CUBN: variants seen among roughly 807,000 people sequenced by gnomAD.
CUBN encodes 460 kDa receptor.
In CUBN, 282 loss-of-function variants were observed where a neutral mutation model predicts 405.3. That is an observed-to-expected ratio of 0.70 (90% CI 0.63 to 0.77). The LOEUF (loss-of-function observed/expected upper bound fraction) is 0.77, where lower values mean the gene tolerates loss of function less well. Among genes scored for constraint, CUBN ranks in the 30% least tolerant of loss-of-function variants. CUBN has a pLI of 0.00. For synonymous variants in CUBN, 1,684 were observed against 1,617.0 expected (o/e 1.04, Z -0.99); for missense variants, 4,514 against 4,475.2 (o/e 1.01, Z -0.25).
intron 28 of CUBN, among the ~76,000 whole-genome samples, chr10:17,003,237 T>G (rs1588570578): frequency 6.6e-6 from 1 of 152,178 alleles, no homozygotes. Context: ...GATGGATGGG[T>G]GCTTTACCAT....
In CUBN at chr10:17,047,114, T is replaced by C. The variant is rs765939530; in HGVS notation, c.3329+300A>G. 3.5e-4 allele frequency among the ~76,000 whole-genome samples: 53 copies of C among 152,312 alleles called. No individual in the cohort carries two copies. In the Middle Eastern group the frequency reaches 0.01, roughly 29 times the overall value. On this transcript the variant is annotated intron_variant, in intron 23 of 66. Coordinates refer to ENST00000377833, the MANE Select transcript of CUBN (RefSeq NM_001081.4). ...CATAATTAAAGTAGGTATTCAACAG[T>C]AGCAAGTTACATCATTTCAGAGTAG...
intron 19 of CUBN, 129 bp from the exon 20 acceptor site, chr10:17,068,899 T>C: frequency 2.6e-6 from 2 of 776,686 alleles, no homozygotes; most frequent in South Asian, 3.3e-5. Context: ...TTTTAGCACA[T>C]TTTAGTCACC....
intron 13 of CUBN, among the ~76,000 whole-genome samples, chr10:17,101,423 T>C (rs1406579188): frequency 6.6e-6 from 1 of 152,110 alleles, no homozygotes; most frequent in South Asian, 2.1e-4. Context: ...TCACATAGCA[T>C]ACCCACTGGG....
At chr10:16,943,203 A>T (rs1457032239) in intron 36 of CUBN, among the ~76,000 whole-genome samples, 1 of 152,174 alleles carries the variant, frequency 6.6e-6, no homozygotes, top group African/African-American at 2.4e-5. Context: ...AGATACTAGC[A>T]TTGGTAGGTC....
intron 12 of CUBN, among the ~76,000 whole-genome samples, chr10:17,103,493 T>G (rs1356460397): frequency 6.6e-6 from 1 of 152,166 alleles, no homozygotes; most frequent in Non-Finnish European, 1.5e-5. Flanking sequence ...TGATTCCCAT[T>G]CTCTGTGTCC....
At chr10:16,970,508 G>A (rs1022868018) in intron 31 of CUBN, among the ~76,000 whole-genome samples, 1 of 151,356 alleles carries the variant, frequency 6.6e-6, no homozygotes, top group African/African-American at 2.4e-5. Context: ...CCTGGGAGGT[G>A]GAGGTCGCAG....
intron 28 of CUBN, among the ~76,000 whole-genome samples, chr10:16,999,066 A>C (rs185869785): frequency 6.6e-6 from 1 of 152,372 alleles, no homozygotes; most frequent in Non-Finnish European, 1.5e-5. Flanking sequence ...TGAAAGAATA[A>C]GTTATTGCAT....
At chr10:17,056,189 T>C (rs544099962) in intron 22 of CUBN, among the ~76,000 whole-genome samples, 1 of 152,216 alleles carries the variant, frequency 6.6e-6, no homozygotes, top group South Asian at 2.1e-4. Context: ...AAGGAGAATC[T>C]TTTCAATAAA....
chr10:17,025,903 G>C (rs1323885997), intron 27 of CUBN, among the ~76,000 whole-genome samples: 2 of 152,150 alleles, frequency 1.3e-5, no homozygotes, highest in African/African-American at 2.4e-5. Flanking sequence ...ATTGCGGGAG[G>C]ACAGATCATG....
At chr10:17,127,260 CTT>C (rs374535711) in intron 3 of CUBN, among the ~76,000 whole-genome samples, 5 of 63,080 alleles carry the variant, frequency 7.9e-5, no homozygotes, top group Admixed American at 1.7e-4. Flanking sequence ...CTCTCTCTCT[CTT>C]TCTTTTTTTT....
At chr10:17,069,651 C>T (rs1835692740) in intron 19 of CUBN, among the ~76,000 whole-genome samples, 1 of 152,168 alleles carries the variant, frequency 6.6e-6, no homozygotes, top group African/African-American at 2.4e-5. Flanking sequence ...TCAAGTGATC[C>T]TCCTACCACA....
chr10:17,047,314 G>T, intron 23 of CUBN, 100 bp downstream of exon 23: 1 of 973,024 alleles, frequency 1.0e-6, no homozygotes, highest in Non-Finnish European at 1.5e-6. Flanking sequence ...AGGGAGCTTT[G>T]CAGAGAATTT....
chr10:16,891,434 A>G (rs1841001439), intron 54 of CUBN, among the ~76,000 whole-genome samples: 1 of 152,096 alleles, frequency 6.6e-6, no homozygotes, highest in Non-Finnish European at 1.5e-5. Flanking sequence ...GCTAGTTCAG[A>G]GAAGAGAGAG....
rs1339825858 is a variant in CUBN, at chr10:16,925,794, G to A, written c.6272-20C>T. On this transcript the variant is annotated intron_variant, in intron 41 of 66. Coordinates refer to ENST00000377833, the MANE Select transcript of CUBN (RefSeq NM_001081.4). Reference sequence around the variant, plus strand: ...CGCAGCCTTCCCACAAAGAAACAAAGGTCGGTTATTTAAATAGCATTGGCA... The same window carrying A: ...CGCAGCCTTCCCACAAAGAAACAAAAGTCGGTTATTTAAATAGCATTGGCA... 6.2e-7 allele frequency: 1 copy of A among 1,612,118 alleles called. No individual in the cohort carries two copies. Among genetic ancestry groups the A allele is most frequent in the Non-Finnish European group, 8.5e-7 (1 of 1,178,358 alleles).
intron 58 of CUBN, among the ~76,000 whole-genome samples, chr10:16,872,723 C>T (rs1840396358): frequency 6.6e-6 from 1 of 152,168 alleles, no homozygotes. Flanking sequence ...CAGAACAAGG[C>T]AATAATCAAT....
chr10:16,934,365 A>C (rs1278509627), intron 39 of CUBN, among the ~76,000 whole-genome samples: 1 of 152,214 alleles, frequency 6.6e-6, no homozygotes, highest in Non-Finnish European at 1.5e-5. Context: ...CAACTTGTAC[A>C]CCATAATATG....
At chr10:16,984,708 A>C (rs186859770) in intron 29 of CUBN, among the ~76,000 whole-genome samples, 2 of 152,354 alleles carry the variant, frequency 1.3e-5, no homozygotes, top group Admixed American at 1.3e-4. Context: ...ACTCTGGCAC[A>C]TATGATTAGT....
intron 54 of CUBN, among the ~76,000 whole-genome samples, chr10:16,893,711 T>C (rs931995090): frequency 3.3e-5 from 5 of 152,226 alleles, no homozygotes; most frequent in Non-Finnish European, 5.9e-5. Context: ...TTTGTTTTTA[T>C]TCAGGAGTTA....
At chr10:16,871,570 C>T (rs956986727) in intron 58 of CUBN, among the ~76,000 whole-genome samples, 3 of 151,786 alleles carry the variant, frequency 2.0e-5, no homozygotes, top group Admixed American at 2.0e-4. Flanking sequence ...TTTTCTTTTA[C>T]CACATTTAAC....
Sources: allele counts gnomAD v4.1 joint callset (sites outside exome capture counted in the v4.1 genomes callset), GRCh38; gene constraint gnomAD v4.1.1; transcripts MANE v1.5; gene names NCBI Gene and HGNC (gene_info 2026-07-23, HGNC 2026-07-21).